Variants in SLCO4A1 observed in about 807,000 individuals in gnomAD.
SLCO4A1 encodes the protein solute carrier organic anion transporter family member 4A1, also known as colon organic anion transporter.
Under a neutral mutation model 64.6 loss-of-function variants are expected in SLCO4A1, and 51 were observed. That is an observed-to-expected ratio of 0.79 (90% confidence interval 0.63 to 1.00). The LOEUF (loss-of-function observed/expected upper bound fraction) is 1.00. Ranked by LOEUF, SLCO4A1 falls within the 50% of genes least tolerant of loss-of-function variation. The pLI is 0.00. For missense variants in SLCO4A1, 919 were observed against 980.5 expected, an observed-to-expected ratio of 0.94 and a Z score of 0.84; for synonymous variants, 471 against 444.9, an observed-to-expected ratio of 1.06 and a Z score of -0.74.
chr20:62,657,116 C>A lies in SLCO4A1; in HGVS notation c.662C>A (p.Ser221Ter), dbSNP rs376793697. ...NPGAVCADST[S>*]GLSRYQLVFM... ...GGCGCGGTGTGTGCGGACAGCACCT[C>A]GGGCCTGTCCCGCTACCAGCTGGTC... The change falls in exon 2 of 12, where the codon TCG becomes TAG. Residue 221 changes from serine (S) to a stop codon, truncating the protein, a stop_gained. Transcript: ENST00000217159. LOFTEE classifies it high-confidence loss of function. The A allele has an allele frequency of 1.9e-6, 3 of 1,583,252 alleles. No individual in the cohort carries two copies. Among genetic ancestry groups the A allele is most frequent in the East Asian group, 2.3e-5 (1 of 43,152 alleles).
chr20:62,667,408 A>G (rs1238615173), intron 7 of SLCO4A1: 2 of 263,334 alleles, frequency 7.6e-6, no homozygotes, highest in East Asian at 7.2e-5. Context: ...GCCTTTGTGT[A>G]CTTGGCGCTT....
chr20:62,654,435 T>C (rs1983263003), intron 1 of SLCO4A1, among the ~76,000 whole-genome samples: 1 of 151,776 alleles, frequency 6.6e-6, no homozygotes, highest in Non-Finnish European at 1.5e-5. Flanking sequence ...GAGCAGACTC[T>C]GTGAGGAGCT....
chr20:62,656,694 C>T lies in SLCO4A1; in HGVS notation c.240C>T (p.Ala80=), dbSNP rs147757300. The T allele has an allele frequency of 4.6e-4, 741 of 1,609,708 alleles. 4 individuals are homozygous for T. In the African/African-American group the frequency reaches 7.3e-3, roughly 16 times the overall value. The change falls in exon 2 of 12, where the codon GCC becomes GCT. Residue 80 remains alanine (A), a synonymous_variant. Transcript: ENST00000217159. ...CCCATGAGGTGCGGTACGTCTCGGC[C>T]GGGCAGAGCGTGGCGTGCGGCTGGT... ...RGTHEVRYVS[A]GQSVACGWWA... is the part of the protein sequence containing the mutation.
intron 5 of SLCO4A1, among the ~76,000 whole-genome samples, chr20:62,662,601 C>T (rs918596302): frequency 2.0e-4 from 31 of 152,190 alleles, no homozygotes; most frequent in Non-Finnish European, 3.1e-4. Flanking sequence ...GAATTTCAGC[C>T]GAGCAATCAG....
In SLCO4A1 at chr20:62,668,951, C is replaced by T. The variant is rs1986862025; in HGVS notation, c.1898C>T (p.Ala633Val). 1.2e-6 allele frequency: 2 copies of T among 1,606,806 alleles called. No homozygotes were observed. Among genetic ancestry groups the T allele is most frequent in the East Asian group, 2.2e-5 (1 of 44,876 alleles). ...RILGGIPGPI[A>V]FGWVIDKACL... ...GCAGGGGGCATCCCGGGGCCCATCGCCTTCGGCTGGGTGATCGACAAGGCC... is the reference window on the plus strand; with the variant it reads ...GCAGGGGGCATCCCGGGGCCCATCGTCTTCGGCTGGGTGATCGACAAGGCC... Residue 633 changes from alanine (A) to valine (V), a missense_variant, in exon 11 of 12, where the codon GCC (alanine) becomes GTC (valine). Coordinates refer to ENST00000217159, the MANE Select transcript of SLCO4A1 (RefSeq NM_016354.4).
intron 11 of SLCO4A1, chr20:62,669,906 C>T (rs958492081): frequency 3.9e-5 from 6 of 152,254 alleles, no homozygotes; most frequent in African/African-American, 7.2e-5. Context: ...GTTAAGGAGA[C>T]ATACACCTCG....
At chr20:62,654,342 C>A (rs1261479200) in intron 1 of SLCO4A1, among the ~76,000 whole-genome samples, 2 of 152,242 alleles carry the variant, frequency 1.3e-5, no homozygotes, top group Non-Finnish European at 2.9e-5. Context: ...TAAGGTCATG[C>A]GCTCAGGTCC....
chr20:62,672,520 G>A (rs1346867469), downstream of SLCO4A1: 4 of 157,570 alleles, frequency 2.5e-5, no homozygotes, highest in Non-Finnish European at 5.6e-5. Flanking sequence ...AGATGGAACT[G>A]GAGGGTACGG....
downstream of SLCO4A1, among the ~76,000 whole-genome samples, chr20:62,687,266 G>A (rs918808612): frequency 6.6e-6 from 1 of 150,546 alleles, no homozygotes; most frequent in East Asian, 1.9e-4. Context: ...CTGGCCCCAC[G>A]TTGTTCCAAA....
intron 7 of SLCO4A1, chr20:62,666,817 G>A: frequency 1.8e-6 from 1 of 546,420 alleles, no homozygotes; most frequent in East Asian, 3.0e-5. Context: ...GCAGTCATAT[G>A]CCTCTCTGGG....
rs747327122 is a variant in SLCO4A1 at position 62,666,411 on chromosome 20, C to A, written c.1308C>A (p.Gly436=). 1.2e-6 allele frequency: 2 copies of A among 1,612,906 alleles called. No homozygotes were observed. The highest frequency in any genetic ancestry group is 1.7e-6 in the Non-Finnish European group (2 of 1,179,916). ...TGGTGGTGCCAGCGGGTGGTGGCGG[C>A]ACCTTCCTGGGCGGCTTCTTTGTGA... is the stretch of plus-strand genomic sequence containing the variant. ...GYLVVPAGGG[G]TFLGGFFVNK... Residue 436 remains glycine, a synonymous_variant, in exon 7 of 12, where the codon GGC becomes GGA. Coordinates refer to ENST00000217159, the MANE Select transcript of SLCO4A1 (RefSeq NM_016354.4).
chr20:62,651,019 C>T (rs550864857), intron 1 of SLCO4A1, among the ~76,000 whole-genome samples: 30 of 152,204 alleles, frequency 2.0e-4, no homozygotes, highest in Admixed American at 9.8e-4. Flanking sequence ...ATCCTGGAAA[C>T]TTCCTTTGGG....
At chr20:62,643,601 T>A (rs1980797726) in intron 1 of SLCO4A1, among the ~76,000 whole-genome samples, 1 of 152,266 alleles carries the variant, frequency 6.6e-6, no homozygotes, top group Non-Finnish European at 1.5e-5. Context: ...GCTTGTCAGC[T>A]GCTGCTCCTC....
chr20:62,671,903 G>A lies in SLCO4A1; in HGVS notation c.*10G>A, dbSNP rs199780207. ...CCAGAGCAGCGTCTGACCACCGCCC[G>A]CGCCCACCCGGCCACGGCGGGCACT... On this transcript the variant is annotated 3_prime_UTR_variant, in exon 12 of 12. Transcript: ENST00000217159. The A allele has an allele frequency of 2.5e-4, 410 of 1,609,266 alleles. 2 individuals are homozygous for A. The East Asian group carries it at 5.3e-3, about 21-fold the overall frequency.
At chr20:62,671,320 G>A (rs193261345) in intron 11 of SLCO4A1, among the ~76,000 whole-genome samples, 4 of 152,242 alleles carry the variant, frequency 2.6e-5, no homozygotes, top group Admixed American at 6.5e-5. Flanking sequence ...GCTGCATGTG[G>A]CCTTTCCCTC....
intron 1 of SLCO4A1, among the ~76,000 whole-genome samples, chr20:62,646,061 G>A (rs1981268441): frequency 1.3e-5 from 2 of 152,154 alleles, no homozygotes; most frequent in African/African-American, 4.8e-5. Flanking sequence ...GCTGTGCCAG[G>A]CAGGTTCCTC....
Position 62,645,706 on chromosome 20 carries a change from C to T in SLCO4A1, c.-97+3153C>T, listed in dbSNP as rs565985840. Among the ~76,000 whole-genome samples the T allele has an allele frequency of 1.3e-5, 2 of 152,004 alleles. No individual in the cohort carries two copies. Among genetic ancestry groups the T allele is most frequent in the South Asian group, 2.1e-4 (1 of 4,818 alleles). On this transcript the variant is annotated intron_variant, in intron 1 of 11. Coordinates refer to ENST00000217159, the MANE Select transcript of SLCO4A1 (RefSeq NM_016354.4). The surrounding 1 kb of genome is among the most constrained non-coding windows in gnomAD (Gnocchi z 4.2). Reference sequence around the variant, plus strand: ...GAAGCCGCTCCCCACGTAGCCCAAGCGTAGGGTGAGACTTGGCACCAGTGG... The same window carrying T: ...GAAGCCGCTCCCCACGTAGCCCAAGTGTAGGGTGAGACTTGGCACCAGTGG...
At position 62,645,306 on chromosome 20, in the gene SLCO4A1, G is replaced by T. The variant is rs1208991952; in HGVS notation, c.-97+2753G>T. On this transcript the variant is annotated intron_variant, in intron 1 of 11. Coordinates refer to ENST00000217159, the MANE Select transcript of SLCO4A1 (RefSeq NM_016354.4). This position sits in a 1 kb window ranked among gnomAD's most constrained non-coding sequence, Gnocchi z 4.2. ...GGGGTGTGAGGAGGAAACTGGCCCT[G>T]CTGCTGGGACAACAGACTCTGGGCG... 6.6e-6 allele frequency among the ~76,000 whole-genome samples: 1 copy of T among 152,134 alleles called. No individual in the cohort carries two copies. The highest frequency in any genetic ancestry group is 2.4e-5 in the African/African-American group (1 of 41,450).
chr20:62,655,025 C>G (rs1983386084), intron 1 of SLCO4A1, among the ~76,000 whole-genome samples: 1 of 152,246 alleles, frequency 6.6e-6, no homozygotes, highest in African/African-American at 2.4e-5. Flanking sequence ...CCCAATGTCC[C>G]TGTTTAACCT....
Sources: gnomAD v4.1 joint callset for allele counts (sites outside exome capture counted in the v4.1 genomes callset) on GRCh38, gnomAD v4.1.1 for gene constraint, Gnocchi (gnomAD v3.1) non-coding constraint, MANE v1.5 for transcripts, NCBI Gene and HGNC (gene_info 2026-07-23, HGNC 2026-07-21) for gene names.